METTL22: variants seen among roughly 807,000 people sequenced by gnomAD.
METTL22 encodes methyltransferase 22, Kin17 lysine.
In METTL22, 51 loss-of-function variants were observed where a neutral mutation model predicts 48.4. The observed-to-expected ratio is 1.05, with a 90% confidence interval of 0.84 to 1.33. The LOEUF (loss-of-function observed/expected upper bound fraction) is 1.33. METTL22 is among the 40% of genes most tolerant of loss of function. The pLI is 0.00. For synonymous variants in METTL22, 255 were observed against 214.1 expected (o/e 1.19, Z -1.67); for missense variants, 678 against 526.9 (o/e 1.29, Z -2.81).
At chr16:8,650,078 C>G (rs983548622), downstream of METTL22, among the ~76,000 whole-genome samples, 3 of 152,196 alleles carry the variant, frequency 2.0e-5, no homozygotes, top group African/African-American at 7.2e-5. Context: ...GTGATCCCAG[C>G]ACTTTGGGAG....
intron 10 of METTL22, chr16:8,645,764 A>G (rs1248799325): frequency 1.6e-5 from 5 of 320,558 alleles, no homozygotes; most frequent in Non-Finnish European, 2.5e-5. Flanking sequence ...CAACAGAATG[A>G]GATCCTGTCT....
the METTL22 span, among the ~76,000 whole-genome samples, chr16:8,656,869 C>T: frequency 1.3e-5 from 2 of 152,218 alleles, no homozygotes; most frequent in Admixed American, 1.3e-4. Context: ...TGCATGATAG[C>T]ACAGCAGAAG....
rs1470899884 is a variant in METTL22 at position 8,646,960 on chromosome 16, T to G, written c.*817T>G. On this transcript the variant is annotated 3_prime_UTR_variant, in exon 11 of 11. Transcript: ENST00000381920. ...CTGTCATCCTCTATGTCCCACTGTC[T>G]CTCTCCTTCTCTCCAGTTTTGGTCC... 2 of 334,730 alleles carry G rather than the reference T, an allele frequency of 6.0e-6. No individual in the cohort carries two copies. Among genetic ancestry groups the G allele is most frequent in the Non-Finnish European group, 1.2e-5 (2 of 169,998 alleles). 20.7% of individuals were successfully genotyped at this position (334,730 alleles called of 1,614,324 possible).
intron 7 of METTL22, chr16:8,641,482 A>G (rs2056616640): frequency 1.8e-6 from 1 of 558,126 alleles, no homozygotes; most frequent in Middle Eastern, 2.7e-4. Flanking sequence ...GCTGGTACAC[A>G]GCAGGGTAGG....
chr16:8,654,152 T>C (rs117998871), downstream of METTL22, among the ~76,000 whole-genome samples: 2,130 of 152,306 alleles, frequency 0.014, 18 homozygotes, highest in Middle Eastern at 0.041. Flanking sequence ...GAGGCCCCAC[T>C]TCATAGATGG....
intron 2 of METTL22, among the ~76,000 whole-genome samples, chr16:8,626,558 C>G (rs2056061063): frequency 1.3e-5 from 2 of 151,018 alleles, no homozygotes; most frequent in African/African-American, 4.9e-5. Flanking sequence ...AAGCAACTCT[C>G]CTGCCTCAGC....
chr16:8,622,895 A>G (rs1207706154), intron 1 of METTL22, among the ~76,000 whole-genome samples: 2 of 152,228 alleles, frequency 1.3e-5, no homozygotes, highest in Non-Finnish European at 2.9e-5. Context: ...GGAAAATTCA[A>G]CTAGAGATTA....
rs774267091 is a variant in METTL22 at position 8,644,575 on chromosome 16, A to T, written c.1029A>T (p.Arg343Ser). ...SVEKRLNFTL[R>S]HLDVTCEAYD... is the part of the protein sequence containing the mutation. ...TTTGCAGGCTCAACTTCACATTGAG[A>T]CACTTGGACGTCACATGTGAAGCCT... Residue 343 changes from arginine to serine, a missense_variant, in exon 10 of 11, where the codon AGA (arginine) becomes AGT (serine). Transcript: ENST00000381920. 5.1e-6 allele frequency: 8 copies of T among 1,565,780 alleles called. No homozygotes were observed. The African/African-American group carries it at 9.6e-5, about 19-fold the overall frequency.
chr16:8,642,713 T>C, intron 9 of METTL22, 148 bp downstream of exon 9: 1 of 757,044 alleles, frequency 1.3e-6, no homozygotes, highest in South Asian at 1.5e-5. Flanking sequence ...TGCTCATCCT[T>C]TGTGTACGTT....
At chr16:8,662,847 A>C in the METTL22 span, among the ~76,000 whole-genome samples, 1 of 144,412 alleles carries the variant, frequency 6.9e-6, no homozygotes, top group Non-Finnish European at 1.5e-5. Flanking sequence ...CTTACTTCTC[A>C]AAGTTGGACT....
chr16:8,632,734 A>G (rs1422365394), intron 3 of METTL22, among the ~76,000 whole-genome samples: 2 of 152,296 alleles, frequency 1.3e-5, no homozygotes, highest in African/African-American at 4.8e-5. Flanking sequence ...TGCATTTTGC[A>G]AAAGAGGAAA....
intron 3 of METTL22, among the ~76,000 whole-genome samples, chr16:8,632,601 G>T (rs2056301158): frequency 1.3e-5 from 2 of 152,180 alleles, no homozygotes; most frequent in Non-Finnish European, 2.9e-5. Flanking sequence ...CTCCACCTGT[G>T]CAAGGGCTGG....
At chr16:8,644,071 A>T (rs759914699) in intron 9 of METTL22, among the ~76,000 whole-genome samples, 6 of 152,074 alleles carry the variant, frequency 3.9e-5, no homozygotes, top group Non-Finnish European at 5.9e-5. Context: ...CCTGTTTCTG[A>T]AGGTGCTCAC....
the METTL22 span, among the ~76,000 whole-genome samples, chr16:8,662,705 C>A: frequency 3.5e-5 from 5 of 143,902 alleles, 1 homozygote; most frequent in Admixed American, 2.8e-4. Flanking sequence ...CCCCTTTCCA[C>A]TGGAGGTTCC....
At chr16:8,659,705 A>C in the METTL22 span, among the ~76,000 whole-genome samples, 3 of 151,360 alleles carry the variant, frequency 2.0e-5, no homozygotes, top group African/African-American at 7.3e-5. Flanking sequence ...AATTGATTAA[A>C]TTGATTAGGG....
rs1404716694 is a variant in METTL22, at chr16:8,647,101, T to A, written c.*958T>A. 1.7e-5 allele frequency: 4 copies of A among 240,098 alleles called. No individual in the cohort carries two copies. Among genetic ancestry groups the A allele is most frequent in the Non-Finnish European group, 2.5e-5 (3 of 120,192 alleles). 14.9% of individuals were successfully genotyped at this position (240,098 alleles called of 1,614,324 possible). A position where few individuals can be genotyped will look rare whatever the true frequency, so the allele number is the denominator to read the frequency against. On this transcript the variant is annotated 3_prime_UTR_variant, in exon 11 of 11. Transcript: ENST00000381920. ...TTTCCGCCTCCCTTGCAGCTCAGGTTTCCTGGCTTCTCCATGCACTGTCCC... is the reference window on the plus strand; with the variant it reads ...TTTCCGCCTCCCTTGCAGCTCAGGTATCCTGGCTTCTCCATGCACTGTCCC...
the METTL22 span, among the ~76,000 whole-genome samples, chr16:8,663,244 A>G: frequency 6.8e-6 from 1 of 147,744 alleles, no homozygotes; most frequent in Non-Finnish European, 1.5e-5. Context: ...AGCCATCATC[A>G]TCATCATCTC....
chr16:8,632,957 G>A lies in METTL22; in HGVS notation c.515-2082G>A, dbSNP rs116919633. On this transcript the variant is annotated intron_variant, in intron 3 of 10. Coordinates refer to ENST00000381920, the MANE Select transcript of METTL22 (RefSeq NM_024109.4). ...ATAGGACCAAGATCACTATGAGAAG[G>A]TTCCCCTGGCAGCAGGAACCCTTAG... 2.8e-4 allele frequency among the ~76,000 whole-genome samples: 43 copies of A among 152,248 alleles called. 1 individual carries two copies. In the East Asian group the frequency reaches 7.7e-3, roughly 27 times the overall value.
chr16:8,642,303 G>A (rs1413176007), intron 8 of METTL22, 96 bp downstream of exon 8: 5 of 1,301,428 alleles, frequency 3.8e-6, no homozygotes, highest in African/African-American at 2.9e-5. Context: ...AGTTTTAGAA[G>A]TGACTTTCTG....
Sources: allele counts gnomAD v4.1 joint callset (sites outside exome capture counted in the v4.1 genomes callset), GRCh38; gene constraint gnomAD v4.1.1; transcripts MANE v1.5; gene names NCBI Gene and HGNC (gene_info 2026-07-23, HGNC 2026-07-21).